The following EPG5 variants were observed in gnomAD, a reference collection of about 807,000 sequenced individuals.
EPG5 encodes the protein ectopic P-granules 5 autophagy tethering factor.
A neutral mutation model predicts 302.7 loss-of-function variants in EPG5; 159 were observed. The ratio of observed to expected loss-of-function variants is 0.53; its 90% CI spans 0.46 to 0.60. The LOEUF (loss-of-function observed/expected upper bound fraction) is 0.60, where lower values mean the gene tolerates loss of function less well. Among genes scored for constraint, EPG5 ranks in the 20% least tolerant of loss-of-function variants. The probability of loss-of-function intolerance (pLI) is 0.00; values close to 1 mark genes in which losing one functional copy is unlikely to be tolerated. For missense variants in EPG5, 2,896 were observed against 3,092.4 expected (o/e 0.94, Z 1.51); for synonymous variants, 1,158 against 1,136.8 (o/e 1.02, Z -0.37).
At position 45,865,755 on chromosome 18, in the gene EPG5, G is replaced by A. The variant is rs1289708780; in HGVS notation, c.6626C>T (p.Ala2209Val). 27 of 1,569,602 alleles carry A rather than the reference G, an allele frequency of 1.7e-5. No homozygotes were observed. The highest frequency in any genetic ancestry group is 2.2e-5 in the Non-Finnish European group (26 of 1,165,950). The change falls in exon 39 of 44, where the codon GCA becomes GTA. Residue 2209 changes from alanine to valine, a missense_variant. This residue lies in a region of EPG5 where 620 missense variants were observed against 704.2 expected (regional missense o/e 0.88). Transcript: ENST00000282041. ...IPTDSQKHLD[A>V]VPKCQAFTHQ... is the part of the protein sequence containing the mutation. The stretch of plus-strand genomic sequence containing the variant: ...AGTAAAAGCTTGGCATTTTGGAACT[G>A]CATCCTGACCAAAAAAAAAAAAAAA...
chr18:45,952,199 C>T (rs561946993), intron 3 of EPG5, among the ~76,000 whole-genome samples: 5 of 152,262 alleles, frequency 3.3e-5, no homozygotes, highest in East Asian at 1.9e-4. Context: ...AAGACAGCCA[C>T]GGAGAAAGGA....
chr18:45,951,379 T>C (rs1420045385), intron 3 of EPG5, 141 bp from the exon 4 acceptor site: 1 of 483,710 alleles, frequency 2.1e-6, no homozygotes, highest in Non-Finnish European at 3.3e-6. Context: ...ATCAAAATAC[T>C]TAAATTTTTA....
intron 26 of EPG5, 138 bp downstream of exon 26, chr18:45,900,858 G>A: frequency 2.7e-6 from 2 of 749,182 alleles, no homozygotes; most frequent in Non-Finnish European, 4.1e-6. Flanking sequence ...GGTTAACCAA[G>A]TGAACCGTCT....
chr18:45,966,469 TG>T (rs1254046181), intron 1 of EPG5, among the ~76,000 whole-genome samples: 1 of 152,064 alleles, frequency 6.6e-6, no homozygotes, highest in Admixed American at 6.6e-5. Context: ...TATGTATATA[TG>T]TGTATATATG....
chr18:45,912,298 T>C lies in EPG5; in HGVS notation c.3975A>G (p.Pro1325=), dbSNP rs2049923607. ...FFLLYLHRPG[P]QYGLPIDGCI... ...AATACTGGGCAGCATACCCATACTGTGGTCCCGGACGGTGAAGATACAGAA... is the reference window on the plus strand; with the variant it reads ...AATACTGGGCAGCATACCCATACTGCGGTCCCGGACGGTGAAGATACAGAA... Residue 1325 remains proline (P), a synonymous_variant, in exon 22 of 44, where the codon CCA becomes CCG. Transcript: ENST00000282041. 3 of 1,590,878 alleles carry C rather than the reference T, an allele frequency of 1.9e-6. No homozygotes were observed. Among genetic ancestry groups the C allele is most frequent in the Non-Finnish European group, 2.6e-6 (3 of 1,171,684 alleles).
chr18:45,880,238 A>G lies in EPG5; in HGVS notation c.5519-15T>C. Reference sequence around the variant, plus strand: ...CTCCGCGGAGCCTGCCAGCAGGGACAGGAAGAGCAAGTCAGTGGCTTTCCC... The same window carrying G: ...CTCCGCGGAGCCTGCCAGCAGGGACGGGAAGAGCAAGTCAGTGGCTTTCCC... On this transcript the variant is annotated splice_polypyrimidine_tract_variant and intron_variant, in intron 31 of 43. Coordinates refer to ENST00000282041, the MANE Select transcript of EPG5 (RefSeq NM_020964.3). 7.6e-6 allele frequency: 12 copies of G among 1,571,214 alleles called. No individual in the cohort carries two copies. Among genetic ancestry groups the G allele is most frequent in the Non-Finnish European group, 1.0e-5 (12 of 1,157,274 alleles).
intron 11 of EPG5, among the ~76,000 whole-genome samples, chr18:45,931,745 G>C (rs535664030): frequency 6.2e-4 from 95 of 152,210 alleles, no homozygotes; most frequent in South Asian, 1.0e-3. Flanking sequence ...TGACGCAGGA[G>C]AATCACTTGA....
At chr18:45,803,742 A>G in the EPG5 span, among the ~76,000 whole-genome samples, 6 of 152,216 alleles carry the variant, frequency 3.9e-5, no homozygotes, top group Non-Finnish European at 7.3e-5. Flanking sequence ...AACAAAAAGC[A>G]GATATGAGGG....
At chr18:45,947,267 G>A (rs1052141480) in intron 6 of EPG5, among the ~76,000 whole-genome samples, 2 of 152,104 alleles carry the variant, frequency 1.3e-5, no homozygotes, top group Non-Finnish European at 2.9e-5. Flanking sequence ...ACAAAAATTA[G>A]TTGGGTGTGG....
At chr18:45,829,211 T>G in the EPG5 span, 1 of 940,042 alleles carries the variant, frequency 1.1e-6, no homozygotes, top group Non-Finnish European at 1.3e-6. Context: ...CACGCCACAG[T>G]CAGCCTGCGG....
the EPG5 span, among the ~76,000 whole-genome samples, chr18:45,814,383 C>A: frequency 6.6e-6 from 1 of 152,142 alleles, no homozygotes; most frequent in African/African-American, 2.4e-5. Flanking sequence ...ACTAAAGAGA[C>A]TACATAACTA....
intron 27 of EPG5, among the ~76,000 whole-genome samples, chr18:45,898,487 T>C (rs2049530137): frequency 6.6e-6 from 1 of 152,240 alleles, no homozygotes; most frequent in Non-Finnish European, 1.5e-5. Flanking sequence ...GTGCATACCA[T>C]ATTGCAGATC....
At position 45,951,357 on chromosome 18, in the gene EPG5, G is replaced by A. The variant is rs574745105; in HGVS notation, c.1253-119C>T. ...TTAAAATATTTAGTGCAGATAAAAG[G>A]AGAAAAGTTACATCAAAATACTTAA... On this transcript the variant is annotated intron_variant, in intron 3 of 43. Transcript: ENST00000282041. The A allele has an allele frequency of 2.1e-5, 13 of 632,578 alleles. No individual in the cohort carries two copies. In the African/African-American group the frequency reaches 2.5e-4, roughly 12 times the overall value. The allele number at this position is 632,578 out of a possible 1,614,324, so 39.2% of individuals were successfully genotyped here.
At position 45,899,418 on chromosome 18, in the gene EPG5, C is replaced by G; in HGVS notation, c.4795G>C (p.Val1599Leu). 2 of 1,614,168 alleles carry G rather than the reference C, an allele frequency of 1.2e-6. No individual in the cohort carries two copies. The highest frequency in any genetic ancestry group is 1.7e-6 in the Non-Finnish European group (2 of 1,180,028). ...SSGKKCQGAA[V>L]VTVQFEGMHK... ...TAAACACTTACCTGAACCGTGACAACTGCGGCTCCTTGGCATTTCTTACCG... is the reference window on the plus strand; with the variant it reads ...TAAACACTTACCTGAACCGTGACAAGTGCGGCTCCTTGGCATTTCTTACCG... Residue 1599 changes from valine to leucine, a missense_variant, in exon 27 of 44, where the codon GTT becomes CTT. Physicochemically the swap from Val to Leu is conservative, Grantham distance 32 (BLOSUM62 1). Coordinates refer to ENST00000282041, the MANE Select transcript of EPG5 (RefSeq NM_020964.3).
intron 35 of EPG5, among the ~76,000 whole-genome samples, chr18:45,874,521 G>C (rs535478740): frequency 7.5e-4 from 114 of 152,310 alleles, no homozygotes; most frequent in African/African-American, 2.7e-3. Context: ...CACAATCATG[G>C]TGGAAGATGA....
intron 10 of EPG5, among the ~76,000 whole-genome samples, chr18:45,935,308 C>T (rs190935959): frequency 3.9e-5 from 6 of 152,214 alleles, no homozygotes; most frequent in South Asian, 2.1e-4. Flanking sequence ...TTTAGGAGGC[C>T]GAGGCAGGTG....
chr18:45,923,545 A>G (rs985448360), intron 14 of EPG5, among the ~76,000 whole-genome samples, 158 bp from the exon 15 acceptor site: 1 of 152,232 alleles, frequency 6.6e-6, no homozygotes, highest in Non-Finnish European at 1.5e-5. Flanking sequence ...CTATAAAATG[A>G]CAATGGGCAA....
chr18:45,914,846 A>G (rs1041973223), intron 20 of EPG5, among the ~76,000 whole-genome samples: 1 of 152,150 alleles, frequency 6.6e-6, no homozygotes, highest in African/African-American at 2.4e-5. Flanking sequence ...AGCTAGACAC[A>G]GTAGTGTGCC....
the EPG5 span, among the ~76,000 whole-genome samples, chr18:45,807,187 G>A: frequency 6.6e-6 from 1 of 152,064 alleles, no homozygotes; most frequent in Non-Finnish European, 1.5e-5. Flanking sequence ...ATTGACCTGG[G>A]AGCCTCATCT....
Sources: gnomAD v4.1 joint callset for allele counts (sites outside exome capture counted in the v4.1 genomes callset) on GRCh38, gnomAD v4.1.1 for gene constraint, gnomAD v4.1.1 regional missense constraint, MANE v1.5 for transcripts, NCBI Gene and HGNC (gene_info 2026-07-23, HGNC 2026-07-21) for gene names.